Variants in LEKR1 observed in about 807,000 individuals in gnomAD.
LEKR1 encodes the protein protein LEKR1.
A neutral mutation model predicts 72.4 loss-of-function variants in LEKR1; 59 were observed. That is an observed-to-expected ratio of 0.82 (90% CI 0.66 to 1.01). The LOEUF is 1.01. LEKR1 is among the 50% of genes least tolerant of loss of function. The pLI is 0.00. For synonymous variants in LEKR1, 257 were observed against 263.2 expected (o/e 0.98, Z 0.23); for missense variants, 728 against 759.2 (o/e 0.96, Z 0.48).
intron 10 of LEKR1, among the ~76,000 whole-genome samples, chr3:157,021,933 T>C (rs1490266251): frequency 1.3e-5 from 2 of 152,152 alleles, no homozygotes; most frequent in African/African-American, 4.8e-5. Context: ...ATATTATACC[T>C]TCCAATTTTT....
At chr3:157,030,154 G>T (rs1734497948) in intron 12 of LEKR1, among the ~76,000 whole-genome samples, 1 of 152,134 alleles carries the variant, frequency 6.6e-6, no homozygotes, top group Admixed American at 6.6e-5. Context: ...AGAGGTGGGG[G>T]GAGGTGCCAC....
At chr3:156,965,149 A>G (rs912374649) in intron 6 of LEKR1, among the ~76,000 whole-genome samples, 3 of 152,142 alleles carry the variant, frequency 2.0e-5, no homozygotes, top group Admixed American at 6.6e-5. Flanking sequence ...TTCCTATGTG[A>G]TAGGTAAAGT....
At chr3:156,854,503 C>T (rs1715797890) in intron 3 of LEKR1, among the ~76,000 whole-genome samples, 1 of 151,008 alleles carries the variant, frequency 6.6e-6, no homozygotes, top group African/African-American at 2.4e-5. Flanking sequence ...TGTACCTTTA[C>T]CTTTATTACA....
intron 10 of LEKR1, among the ~76,000 whole-genome samples, chr3:157,012,849 G>T (rs1466029428): frequency 6.6e-6 from 1 of 152,044 alleles, no homozygotes; most frequent in South Asian, 2.1e-4. Flanking sequence ...TAGCCTCAGG[G>T]TATTCAACTG....
intron 9 of LEKR1, among the ~76,000 whole-genome samples, chr3:156,996,294 C>T (rs1376978310): frequency 6.6e-6 from 1 of 152,092 alleles, no homozygotes; most frequent in African/African-American, 2.4e-5. Context: ...ATACTCTGCC[C>T]ATTTCCTAAA....
In LEKR1 at chr3:156,994,967, G is replaced by A. The variant is rs948662137; in HGVS notation, c.1109+1690G>A. On this transcript the variant is annotated intron_variant, in intron 9 of 12. Coordinates refer to ENST00000356539, the MANE Select transcript of LEKR1 (RefSeq NM_001004316.3). ...AACTCTTCTCCAAGGACTGGCTTAA[G>A]CACATGTTTTAGACTCTCGTCAGTA... 3.9e-5 allele frequency among the ~76,000 whole-genome samples: 6 copies of A among 152,318 alleles called. No individual in the cohort carries two copies. In the South Asian group the frequency reaches 8.3e-4, roughly 21 times the overall value.
At chr3:156,949,570 C>T (rs1177330894) in intron 6 of LEKR1, among the ~76,000 whole-genome samples, 2 of 150,814 alleles carry the variant, frequency 1.3e-5, no homozygotes, top group East Asian at 3.9e-4. Context: ...TCAATATTTA[C>T]TAGCTGTGTT....
At chr3:156,845,556 G>A (rs1292897395) in intron 2 of LEKR1, among the ~76,000 whole-genome samples, 1 of 151,718 alleles carries the variant, frequency 6.6e-6, no homozygotes, top group Admixed American at 6.6e-5. Context: ...AAAATGTATG[G>A]ATATCCAATT....
At chr3:157,009,086 C>A (rs1732693712) in intron 9 of LEKR1, among the ~76,000 whole-genome samples, 2 of 152,016 alleles carry the variant, frequency 1.3e-5, no homozygotes, top group South Asian at 4.1e-4. Context: ...TTGTTACTGA[C>A]ATTTCTTTGT....
At chr3:156,982,916 C>A (rs1471795197) in intron 7 of LEKR1, among the ~76,000 whole-genome samples, 1 of 149,918 alleles carries the variant, frequency 6.7e-6, no homozygotes, top group Non-Finnish European at 1.5e-5. Context: ...GATGGAAGAG[C>A]TAGAGACAGG....
At chr3:156,937,151 C>G (rs1725789272) in intron 5 of LEKR1, among the ~76,000 whole-genome samples, 1 of 149,788 alleles carries the variant, frequency 6.7e-6, no homozygotes, top group African/African-American at 2.5e-5. Flanking sequence ...AAACCCTGTC[C>G]TAAAAAAAAC....
chr3:156,836,107 G>A, intron 2 of LEKR1, among the ~76,000 whole-genome samples: 1 of 151,798 alleles, frequency 6.6e-6, no homozygotes, highest in East Asian at 1.9e-4. Context: ...CCTGACCTCA[G>A]GTGACCCCAC....
chr3:156,903,236 A>G (rs1722208967), intron 3 of LEKR1, among the ~76,000 whole-genome samples: 2 of 152,254 alleles, frequency 1.3e-5, no homozygotes, highest in African/African-American at 4.8e-5. Flanking sequence ...ATTTGACAAT[A>G]TTGGTTATAC....
At chr3:156,876,283 C>CT (rs1337274763) in intron 3 of LEKR1, among the ~76,000 whole-genome samples, 1 of 151,990 alleles carries the variant, frequency 6.6e-6, no homozygotes, top group African/African-American at 2.4e-5. Context: ...CACATTTTTT[C>CT]TTTTTGCCTA....
intron 4 of LEKR1, among the ~76,000 whole-genome samples, chr3:156,922,665 G>A (rs1259553550): frequency 1.3e-5 from 2 of 152,144 alleles, no homozygotes; most frequent in African/African-American, 4.8e-5. Flanking sequence ...CAAGGGCTCA[G>A]CATATTAGTT....
intron 9 of LEKR1, among the ~76,000 whole-genome samples, chr3:156,996,825 G>A (rs1253431546): frequency 4.6e-5 from 7 of 152,118 alleles, no homozygotes; most frequent in African/African-American, 1.7e-4. Context: ...AGCACTCTGG[G>A]AGGCCAAGGT....
At chr3:157,012,295 CT>C (rs753011276) in intron 10 of LEKR1, among the ~76,000 whole-genome samples, 16 of 152,086 alleles carry the variant, frequency 1.1e-4, no homozygotes, top group Non-Finnish European at 2.1e-4. Flanking sequence ...TAGCACTGGC[CT>C]TCTGCCTTAG....
At chr3:157,008,393 T>A (rs1233404907) in intron 9 of LEKR1, among the ~76,000 whole-genome samples, 1 of 152,226 alleles carries the variant, frequency 6.6e-6, no homozygotes, top group Non-Finnish European at 1.5e-5. Flanking sequence ...TATCAATAAT[T>A]GTTTTTTTAA....
chr3:156,986,774 A>T (rs1459260959), intron 7 of LEKR1, among the ~76,000 whole-genome samples: 2 of 152,226 alleles, frequency 1.3e-5, no homozygotes, highest in African/African-American at 4.8e-5. Flanking sequence ...GGAGTGCACA[A>T]GATACATAAT....
Sources: gnomAD v4.1 joint callset for allele counts (sites outside exome capture counted in the v4.1 genomes callset) on GRCh38, gnomAD v4.1.1 for gene constraint, MANE v1.5 for transcripts, NCBI Gene and HGNC (gene_info 2026-07-23, HGNC 2026-07-21) for gene names.